ARHGEF4: variants seen among roughly 807,000 people sequenced by gnomAD.
ARHGEF4 encodes Rho guanine nucleotide exchange factor 4, also known as APC-stimulated guanine nucleotide exchange factor 1.
In ARHGEF4, 119 loss-of-function variants were observed where a neutral mutation model predicts 162.0. The observed-to-expected ratio is 0.73, with a 90% CI of 0.63 to 0.86. The LOEUF (loss-of-function observed/expected upper bound fraction) is 0.86, where lower values mean the gene tolerates loss of function less well. Ranked by LOEUF, ARHGEF4 falls within the 40% of genes least tolerant of loss-of-function variation. The pLI is 0.00. For missense variants in ARHGEF4, 2,488 were observed against 2,456.0 expected, an observed-to-expected ratio of 1.01 and a Z score of -0.28; for synonymous variants, 1,014 against 979.9, an observed-to-expected ratio of 1.03 and a Z score of -0.65.
Position 131,046,126 on chromosome 2 carries a change from G to A in ARHGEF4, c.5568G>A (p.Glu1856=). The A allele has an allele frequency of 1.2e-6, 2 of 1,612,980 alleles. No individual in the cohort carries two copies. Among genetic ancestry groups the A allele is most frequent in the Non-Finnish European group, 8.5e-7 (1 of 1,179,916 alleles). Residue 1856 remains glutamate (E), a synonymous_variant, in exon 14 of 14, where the codon GAG becomes GAA. Coordinates refer to ENST00000409359, the MANE Select transcript of ARHGEF4 (RefSeq NM_001367493.1). ...AGCAGCAGGTCCTGGTGCTGGCGGA[G>A]CCCAGGCGCAAGCCATCTACCTTCT... The part of the protein sequence containing the change: ...RPQQQVLVLA[E]PRRKPSTFWH...
chr2:130,987,712 T>G (rs72614452), intron 4 of ARHGEF4, among the ~76,000 whole-genome samples: 3,669 of 152,300 alleles, frequency 0.024, 155 homozygotes, highest in East Asian at 0.21. Context: ...CACCTCTCAC[T>G]GGCTGAGAGC....
chr2:130,926,048 C>CTTTCTTTCTCTTTCTTTCTTTTTCTT, intron 2 of ARHGEF4, among the ~76,000 whole-genome samples: 1 of 53,412 alleles, frequency 1.9e-5, no homozygotes, highest in African/African-American at 6.2e-5. Context: ...TTCTTTCTTT[C>CTTTCTTTCTCTTTCTTTCTTTTTCTT]TCTTTCTTTC....
Position 130,917,382 on chromosome 2 carries a change from C to T in ARHGEF4, c.3436C>T (p.Leu1146=). ...GATTCCCAAGGGCCAGACCAGTTTC[C>T]TGCTTTCTCTGCAGACGCTAAACCA... ...PKIPKGQTSF[L]LSLQTLNQDE... is the part of the protein sequence containing the mutation. Residue 1146 remains leucine, a synonymous_variant, in exon 2 of 14, where the codon CTG becomes TTG. Transcript: ENST00000409359. The T allele has an allele frequency of 6.4e-7, 1 of 1,550,654 alleles. No homozygotes were observed. The highest frequency in any genetic ancestry group is 8.7e-7 in the Non-Finnish European group (1 of 1,147,018).
intron 1 of ARHGEF4, among the ~76,000 whole-genome samples, chr2:130,904,202 A>C (rs1680678278): frequency 6.6e-6 from 1 of 151,778 alleles, no homozygotes; most frequent in African/African-American, 2.4e-5. Flanking sequence ...TTCTTTAGGA[A>C]CAGCCATCCT....
chr2:130,940,671 A>T (rs1280705996), intron 3 of ARHGEF4, among the ~76,000 whole-genome samples: 10 of 145,548 alleles, frequency 6.9e-5, no homozygotes, highest in South Asian at 4.4e-4. Context: ...TACTAAAAAT[A>T]AAAAAAAAAA....
At position 131,045,393 on chromosome 2, in the gene ARHGEF4, G is replaced by A. The variant is rs763117766; in HGVS notation, c.5426G>A (p.Arg1809Lys). Residue 1809 changes from arginine (R) to lysine (K), a missense_variant, in exon 13 of 14, where the codon AGG becomes AAG. By Grantham distance (26) the Arg-to-Lys change is conservative. Around this residue, in one of 6 missense-constraint regions of ARHGEF4, gnomAD observed 415 missense variants for 512.4 expected, o/e 0.81. Coordinates refer to ENST00000409359, the MANE Select transcript of ARHGEF4 (RefSeq NM_001367493.1). ...ETGFSITELQ[R>K]KQAMLNASKQ... is the part of the protein sequence containing the mutation. ...GGCTTCTCCATCACTGAACTGCAGA[G>A]GAAGCAGGCCATGCTGAATGCCAGC... The A allele has an allele frequency of 1.9e-6, 3 of 1,613,442 alleles. No homozygotes were observed. The highest frequency in any genetic ancestry group is 2.2e-5 in the South Asian group (2 of 91,090).
Position 130,916,550 on chromosome 2 carries a change from TGCAGGGCCGGCAGGA to T in ARHGEF4, c.2607_2621del (p.Pro871_Gly875del). The T allele has an allele frequency of 6.5e-7, 1 of 1,550,028 alleles. No individual in the cohort carries two copies. The highest frequency in any genetic ancestry group is 8.7e-7 in the Non-Finnish European group (1 of 1,146,812). ...TCCCGCAGGCTGCAGGCGACAGGACTGCAGGGCCGGCAGGAGCGGGGCACACGGGGACCTCAGGGG... is the reference window on the plus strand; with the variant it reads ...TCCCGCAGGCTGCAGGCGACAGGACTGCGGGGCACACGGGGACCTCAGGGG... On this transcript the variant is annotated inframe_deletion, in exon 2 of 14. Transcript: ENST00000409359.
At chr2:130,983,684 C>G (rs1343683851) in intron 4 of ARHGEF4, among the ~76,000 whole-genome samples, 1 of 151,318 alleles carries the variant, frequency 6.6e-6, no homozygotes, top group African/African-American at 2.4e-5. Context: ...GAGTCTTGCT[C>G]TGTTGCCCAG....
intron 3 of ARHGEF4, among the ~76,000 whole-genome samples, chr2:130,936,268 A>C (rs1682939739): frequency 6.6e-6 from 1 of 152,202 alleles, no homozygotes; most frequent in Non-Finnish European, 1.5e-5. Flanking sequence ...TATTATTGGA[A>C]GGGTGTTGAA....
chr2:130,905,426 T>C (rs1423851242), intron 1 of ARHGEF4, among the ~76,000 whole-genome samples: 1 of 151,856 alleles, frequency 6.6e-6, no homozygotes, highest in Non-Finnish European at 1.5e-5. Flanking sequence ...TTAATGACTC[T>C]TTATCATAAT....
intron 1 of ARHGEF4, among the ~76,000 whole-genome samples, chr2:130,879,323 C>A (rs567718793): frequency 4.6e-5 from 7 of 152,166 alleles, no homozygotes; most frequent in Non-Finnish European, 1.0e-4. Context: ...TAAAAATTGA[C>A]AGATAAAAAT....
chr2:130,903,247 C>CTTTTTTTTTTT (rs59665239), intron 1 of ARHGEF4, among the ~76,000 whole-genome samples: 7 of 143,736 alleles, frequency 4.9e-5, no homozygotes, highest in African/African-American at 5.1e-5. Context: ...TTTATCTTGA[C>CTTTTTTTTTTT]TTTTTTTTTT....
chr2:130,845,247 C>T (rs1457194654), intron 1 of ARHGEF4, among the ~76,000 whole-genome samples: 4 of 150,594 alleles, frequency 2.7e-5, no homozygotes, highest in East Asian at 2.1e-4. Flanking sequence ...TGGCCGGGCA[C>T]GGTGGCTCAC....
chr2:130,953,854 T>G (rs1684105845), intron 4 of ARHGEF4, among the ~76,000 whole-genome samples: 1 of 152,178 alleles, frequency 6.6e-6, no homozygotes, highest in Non-Finnish European at 1.5e-5. Context: ...CACAATGAGA[T>G]ACCATCTCAC....
chr2:130,846,887 A>G (rs1007420564), intron 1 of ARHGEF4, among the ~76,000 whole-genome samples: 3 of 152,228 alleles, frequency 2.0e-5, no homozygotes, highest in East Asian at 1.9e-4. Context: ...GGGTCGAGTT[A>G]TGTGACACGG....
intron 4 of ARHGEF4, among the ~76,000 whole-genome samples, chr2:130,958,673 G>A (rs954331236): frequency 1.4e-4 from 21 of 152,002 alleles, no homozygotes; most frequent in Admixed American, 5.9e-4. Flanking sequence ...GCCTCCCAAA[G>A]TGCTGGGATT....
At chr2:130,884,276 A>G (rs1350957831) in intron 1 of ARHGEF4, among the ~76,000 whole-genome samples, 1 of 151,872 alleles carries the variant, frequency 6.6e-6, no homozygotes, top group Non-Finnish European at 1.5e-5. Context: ...GCACACATGC[A>G]TGCACACAGA....
intron 4 of ARHGEF4, chr2:131,011,586 A>G: frequency 6.6e-7 from 1 of 1,508,412 alleles, no homozygotes; most frequent in South Asian, 1.3e-5. Flanking sequence ...ACAGCATTTC[A>G]TGCTATTAAT....
At chr2:130,849,331 G>T (rs1423177188) in intron 1 of ARHGEF4, among the ~76,000 whole-genome samples, 1 of 152,212 alleles carries the variant, frequency 6.6e-6, no homozygotes, top group African/African-American at 2.4e-5. Context: ...GCTTTAGGAT[G>T]CAGGGGAATT....
Sources: allele counts gnomAD v4.1 joint callset (sites outside exome capture counted in the v4.1 genomes callset), GRCh38; gene constraint gnomAD v4.1.1; regional missense constraint gnomAD v4.1.1; transcripts MANE v1.5; gene names NCBI Gene and HGNC (gene_info 2026-07-23, HGNC 2026-07-21).